LIPA: variants seen among roughly 807,000 people sequenced by gnomAD.
LIPA encodes lysosomal acid lipase/cholesteryl ester hydrolase.
In LIPA, 26 loss-of-function variants were observed where a neutral mutation model predicts 40.6. That is an observed-to-expected ratio of 0.64 (90% CI 0.47 to 0.89). The LOEUF is 0.89. Among genes scored for constraint, LIPA ranks in the 40% least tolerant of loss-of-function variants. The probability of loss-of-function intolerance (pLI) is 0.00; values close to 1 mark genes in which losing one functional copy is unlikely to be tolerated. For synonymous variants in LIPA, 188 were observed against 168.4 expected (o/e 1.12, Z -0.90); for missense variants, 455 against 479.6 (o/e 0.95, Z 0.48).
At chr10:89,353,980 C>T (rs7909935) in intron 2 of LIPA, among the ~76,000 whole-genome samples, 2,614 of 152,178 alleles carry the variant, frequency 0.017, 87 homozygotes, top group African/African-American at 0.058. Flanking sequence ...AAGTACTTCA[C>T]TTCCCCTTAT....
intron 1 of LIPA, chr10:89,278,345 A>G (rs1187632841): frequency 1.3e-5 from 2 of 152,262 alleles, no homozygotes; most frequent in East Asian, 3.8e-4. Context: ...TGTGCCCAGA[A>G]GTTCTGCAAA....
chr10:89,215,950 A>C lies in LIPA; in HGVS notation c.954T>G (p.Phe318Leu), dbSNP rs1335811222. ...CTAAAAACTTTACCTGGTTGTAATGAAAATAATTCTTGGCACTGCTTCCCC... is the reference window on the plus strand; with the variant it reads ...CTAAAAACTTTACCTGGTTGTAATGCAAATAATTCTTGGCACTGCTTCCCC... ...FDWGSSAKNY[F>L]HYNQSYPPTY... Residue 318 changes from phenylalanine to leucine, a missense_variant, in exon 9 of 10, where the codon TTT (phenylalanine) becomes TTG (leucine). By Grantham distance (22) the Phe-to-Leu change is conservative. Coordinates refer to ENST00000336233, the MANE Select transcript of LIPA (RefSeq NM_000235.4). The C allele has an allele frequency of 1.2e-6, 2 of 1,609,232 alleles. No individual in the cohort carries two copies. The highest frequency in any genetic ancestry group is 1.7e-6 in the Non-Finnish European group (2 of 1,175,624).
chr10:89,259,669 T>C (rs1843197219), intron 1 of LIPA, among the ~76,000 whole-genome samples: 1 of 152,196 alleles, frequency 6.6e-6, no homozygotes, highest in South Asian at 2.1e-4. Flanking sequence ...AAACAAATTG[T>C]GGTGTATCTA....
intron 1 of LIPA, among the ~76,000 whole-genome samples, chr10:89,266,640 AC>A (rs1026613435): frequency 7.2e-5 from 11 of 152,204 alleles, no homozygotes; most frequent in African/African-American, 2.4e-4. Context: ...CTCAATCTGT[AC>A]TTTGTGTTAT....
At chr10:89,306,535 C>G in intron 1 of LIPA, 1 of 1,614,068 alleles carries the variant, frequency 6.2e-7, no homozygotes, top group Non-Finnish European at 8.5e-7. Context: ...CATCTCAGAA[C>G]GCCATTGACC....
At chr10:89,248,434 ATTATTTTATATTTATTTAT>A (rs1411366040) in intron 1 of LIPA, among the ~76,000 whole-genome samples, 17 of 88,876 alleles carry the variant, frequency 1.9e-4, no homozygotes. Context: ...TATTATTATT[ATTATTTTATATTTATTTAT>A]TTATTTATTT....
intron 1 of LIPA, among the ~76,000 whole-genome samples, chr10:89,322,311 G>A (rs910045259): frequency 2.0e-5 from 3 of 152,188 alleles, no homozygotes; most frequent in African/African-American, 7.2e-5. Context: ...AAAAGGGCTA[G>A]TGAGCATTGA....
intron 1 of LIPA, among the ~76,000 whole-genome samples, chr10:89,278,800 GTAA>G (rs1683747125): frequency 1.3e-5 from 2 of 151,320 alleles, no homozygotes; most frequent in African/African-American, 4.9e-5. Flanking sequence ...ATGTGTTATA[GTAA>G]TATTATTTAC....
intron 1 of LIPA, among the ~76,000 whole-genome samples, chr10:89,321,353 A>C (rs1018373440): frequency 1.3e-5 from 2 of 152,216 alleles, no homozygotes; most frequent in African/African-American, 4.8e-5. Context: ...ATCTACAAAA[A>C]ACTTAAACAA....
chr10:89,216,915 T>A (rs1360135891), intron 8 of LIPA, among the ~76,000 whole-genome samples: 4 of 152,224 alleles, frequency 2.6e-5, no homozygotes, highest in Non-Finnish European at 5.9e-5. Context: ...CACCAAGTAG[T>A]ACTGCATGCC....
intron 2 of LIPA, among the ~76,000 whole-genome samples, chr10:89,394,197 C>T (rs1004393935): frequency 7.0e-6 from 1 of 142,724 alleles, no homozygotes; most frequent in African/African-American, 2.6e-5. Context: ...TAGGCAACTG[C>T]AATACAATGG....
chr10:89,399,064 A>G (rs1309279813), intron 2 of LIPA, among the ~76,000 whole-genome samples: 1 of 152,146 alleles, frequency 6.6e-6, no homozygotes. Flanking sequence ...ATAATAGCCA[A>G]CCTAACAGAC....
At chr10:89,368,655 TG>T (rs1156540922) in intron 2 of LIPA, among the ~76,000 whole-genome samples, 2 of 152,106 alleles carry the variant, frequency 1.3e-5, no homozygotes, top group African/African-American at 4.8e-5. Context: ...GATATAAACA[TG>T]GTGACAAAAA....
At chr10:89,406,878 G>A (rs1176929078) in intron 2 of LIPA, among the ~76,000 whole-genome samples, 2 of 152,102 alleles carry the variant, frequency 1.3e-5, no homozygotes, top group African/African-American at 2.4e-5. Context: ...ATCACCTATC[G>A]CCAAGCAGTG....
intron 3 of LIPA, among the ~76,000 whole-genome samples, chr10:89,242,975 C>T (rs1473961489): frequency 1.3e-5 from 2 of 152,116 alleles, no homozygotes; most frequent in Non-Finnish European, 1.5e-5. Flanking sequence ...AGCAATTTAA[C>T]GTGGGTGGCC....
intron 2 of LIPA, chr10:89,384,703 C>T (rs1844192858): frequency 6.2e-7 from 1 of 1,613,700 alleles, no homozygotes; most frequent in Admixed American, 1.7e-5. Flanking sequence ...TGAGAGGGCT[C>T]TGAGGCTGGC....
rs539535810 is a variant in LIPA at position 89,375,023 on chromosome 10, G to C, written c.61+37768C>G. On this transcript the variant is annotated intron_variant, in intron 2 of 8. Transcript: ENST00000371837. ...CTCTCAGTGCCCACTGGGAAAAATT[G>C]TAGTCTGGAAGGGCTCCAGCTAATG... is the stretch of plus-strand genomic sequence containing the variant. 2.0e-5 allele frequency among the ~76,000 whole-genome samples: 3 copies of C among 152,336 alleles called. No individual in the cohort carries two copies. The East Asian group carries it at 5.8e-4, about 29-fold the overall frequency.
chr10:89,230,968 A>T (rs1207907331), intron 3 of LIPA, among the ~76,000 whole-genome samples: 1 of 152,218 alleles, frequency 6.6e-6, no homozygotes, highest in African/African-American at 2.4e-5. Flanking sequence ...CCCTCTGCTC[A>T]TTCTTTATAA....
At chr10:89,414,450 G>T in exon 1 of LIPA, 1 of 286,208 alleles carries the variant, frequency 3.5e-6, no homozygotes, top group Non-Finnish European at 6.4e-6. Flanking sequence ...AAGGAGCCCA[G>T]CTGCAAATTC....
Sources: allele counts gnomAD v4.1 joint callset (sites outside exome capture counted in the v4.1 genomes callset), GRCh38; gene constraint gnomAD v4.1.1; transcripts MANE v1.5; gene names NCBI Gene and HGNC (gene_info 2026-07-23, HGNC 2026-07-21).